The following FAM3C variants were observed in gnomAD, a reference collection of about 807,000 sequenced individuals.
FAM3C encodes protein FAM3C.
FAM3C carries 15 observed loss-of-function variants against 32.5 expected under a neutral mutation model. The observed-to-expected ratio is 0.46, with a 90% CI of 0.31 to 0.71. FAM3C has a LOEUF of 0.71. FAM3C is among the 30% of genes least tolerant of loss of function. The pLI, the probability that FAM3C is intolerant of heterozygous loss-of-function variation, is 0.05. For missense variants in FAM3C, 175 were observed against 274.4 expected (o/e 0.64, Z 2.56); for synonymous variants, 75 against 86.1 (o/e 0.87, Z 0.72).
chr7:121,384,359 A>G (rs1794423532), intron 1 of FAM3C, among the ~76,000 whole-genome samples: 1 of 152,222 alleles, frequency 6.6e-6, no homozygotes, highest in Admixed American at 6.5e-5. Context: ...TAAAAGCAGA[A>G]AAAAACCTCC....
chr7:121,350,636 A>G, intron 9 of FAM3C, 86 bp from the exon 10 acceptor site: 1 of 1,323,344 alleles, frequency 7.6e-7, no homozygotes, highest in Non-Finnish European at 1.1e-6. Context: ...TTCTCATTTC[A>G]GTAATACTCA....
chr7:121,358,365 T>C (rs1793852263), intron 8 of FAM3C, among the ~76,000 whole-genome samples: 1 of 152,006 alleles, frequency 6.6e-6, no homozygotes, highest in South Asian at 2.1e-4. Flanking sequence ...AATCTTGTAG[T>C]ATTAAAGCTC....
intron 1 of FAM3C, 127 bp from the exon 2 acceptor site, chr7:121,383,137 G>A: frequency 2.0e-6 from 1 of 504,580 alleles, no homozygotes; most frequent in South Asian, 3.2e-5. Context: ...TGCCAACATT[G>A]GCATTAAAAA....
At chr7:121,387,256 C>A (rs1360918734) in intron 1 of FAM3C, among the ~76,000 whole-genome samples, 2 of 151,836 alleles carry the variant, frequency 1.3e-5, no homozygotes, top group African/African-American at 4.8e-5. Flanking sequence ...GTGGGCCATA[C>A]AGGCCTAGGG....
rs540946350 is a variant in FAM3C, at chr7:121,357,607, G to A, written c.467+2436C>T. On this transcript the variant is annotated intron_variant, in intron 8 of 9. Transcript: ENST00000359943. ...TTTCTTTTACTGGTATTTAGGAAAA[G>A]GAAATATTTGAAATATAAATTCGTG... 4.6e-5 allele frequency among the ~76,000 whole-genome samples: 7 copies of A among 152,156 alleles called. No individual in the cohort carries two copies. In the East Asian group the frequency reaches 9.7e-4, roughly 21 times the overall value.
chr7:121,379,573 A>T (rs1429768657), intron 2 of FAM3C, among the ~76,000 whole-genome samples: 1 of 152,160 alleles, frequency 6.6e-6, no homozygotes, highest in East Asian at 1.9e-4. Context: ...TTAATACCTT[A>T]GTACCTTAAG....
At chr7:121,364,051 A>T (rs1164095281) in intron 6 of FAM3C, 79 bp downstream of exon 6, 1 of 933,456 alleles carries the variant, frequency 1.1e-6, no homozygotes, top group Non-Finnish European at 1.8e-6. Flanking sequence ...TTCTAACCTG[A>T]TCCTCTGATA....
chr7:121,390,853 C>CGGGGGG (rs58750532), intron 1 of FAM3C, among the ~76,000 whole-genome samples: 3 of 7,454 alleles, frequency 4.0e-4, no homozygotes, highest in African/African-American at 7.6e-4. Context: ...CTGTGTGGGG[C>CGGGGGG]GGGGGGGGGG....
intron 7 of FAM3C, 55 bp downstream of exon 7, chr7:121,362,842 T>C (rs1291896390): frequency 3.3e-6 from 3 of 896,300 alleles, no homozygotes; most frequent in Non-Finnish European, 5.6e-6. Flanking sequence ...TACATTGTAT[T>C]GAGGTGATTA....
chr7:121,364,857 A>G (rs1204921997), intron 5 of FAM3C, among the ~76,000 whole-genome samples: 1 of 152,144 alleles, frequency 6.6e-6, no homozygotes, highest in Non-Finnish European at 1.5e-5. Flanking sequence ...TTTGCTGGTT[A>G]TCAGTTCAGT....
intron 8 of FAM3C, chr7:121,351,502 GT>G: frequency 2.4e-6 from 1 of 408,608 alleles, no homozygotes; most frequent in Non-Finnish European, 4.3e-6. Context: ...GACCTGTTAG[GT>G]TTTTATTTCA....
intron 1 of FAM3C, among the ~76,000 whole-genome samples, chr7:121,395,427 A>C (rs1584714566): frequency 6.6e-6 from 1 of 151,780 alleles, no homozygotes; most frequent in East Asian, 1.9e-4. Flanking sequence ...TATCAATTAG[A>C]TAGCAGTTCT....
chr7:121,366,218 T>C (rs1333760644), intron 5 of FAM3C, among the ~76,000 whole-genome samples: 1 of 152,116 alleles, frequency 6.6e-6, no homozygotes, highest in African/African-American at 2.4e-5. Flanking sequence ...AAAACATATG[T>C]CCACATAAAA....
intron 7 of FAM3C, among the ~76,000 whole-genome samples, chr7:121,362,223 G>A (rs1316809819): frequency 1.3e-5 from 2 of 152,164 alleles, no homozygotes; most frequent in Admixed American, 1.3e-4. Flanking sequence ...GTTCTTCTTT[G>A]GGGTGCCAGT....
chr7:121,380,375 T>TA (rs1794325738), intron 2 of FAM3C: 1 of 151,920 alleles, frequency 6.6e-6, no homozygotes, highest in Non-Finnish European at 1.5e-5. Flanking sequence ...AAGCCTACAT[T>TA]AAAAAAAGCT....
At chr7:121,396,355 C>G (rs1794699921), upstream of FAM3C, 1 of 152,210 alleles carries the variant, frequency 6.6e-6, no homozygotes, top group Admixed American at 6.5e-5. Context: ...CCACGCTTCC[C>G]GGCCGCGACC....
At position 121,351,163 on chromosome 7, in the gene FAM3C, T is replaced by TCTTAATG; in HGVS notation, c.567_573dup (p.Thr192HisfsTer2). On this transcript the variant is annotated stop_gained and frameshift_variant, in exon 9 of 10. Coordinates refer to ENST00000359943, the MANE Select transcript of FAM3C (RefSeq NM_014888.3). LOFTEE classifies it high-confidence loss of function. ...CTAACCTGTTCAAAAGGGCTTTTTG[T>TCTTAATG]CTTAATGCCCTTCCCACCACAGAAG... 2 of 1,613,570 alleles carry TCTTAATG rather than the reference T, an allele frequency of 1.2e-6. No homozygotes were observed. The highest frequency in any genetic ancestry group is 1.7e-6 in the Non-Finnish European group (2 of 1,179,662).
chr7:121,363,765 C>G (rs1367113289), intron 6 of FAM3C, among the ~76,000 whole-genome samples: 1 of 152,046 alleles, frequency 6.6e-6, no homozygotes, highest in African/African-American at 2.4e-5. Flanking sequence ...CATTCTTATT[C>G]TTTGTTCCTC....
chr7:121,377,331 C>T (rs1293416054), intron 3 of FAM3C, among the ~76,000 whole-genome samples: 1 of 152,136 alleles, frequency 6.6e-6, no homozygotes, highest in African/African-American at 2.4e-5. Flanking sequence ...TTCACAGCAG[C>T]ATGAGAACCT....
Sources: allele counts gnomAD v4.1 joint callset (sites outside exome capture counted in the v4.1 genomes callset), GRCh38; gene constraint gnomAD v4.1.1; transcripts MANE v1.5; gene names NCBI Gene and HGNC (gene_info 2026-07-23, HGNC 2026-07-21).